The following ARIH2 variants were observed in gnomAD, a reference collection of about 807,000 sequenced individuals.
ARIH2 encodes E3 ubiquitin-protein ligase ARIH2.
In ARIH2, 12 loss-of-function variants were observed where a neutral mutation model predicts 79.8. The ratio of observed to expected loss-of-function variants is 0.15; its 90% CI spans 0.10 to 0.24. The LOEUF is 0.24. Among genes scored for constraint, ARIH2 ranks in the 10% least tolerant of loss-of-function variants. The probability of loss-of-function intolerance (pLI) is 1.00; values close to 1 mark genes in which losing one functional copy is unlikely to be tolerated. For synonymous variants in ARIH2, 224 were observed against 213.9 expected (o/e 1.05, Z -0.41); for missense variants, 301 against 618.3 (o/e 0.49, Z 5.44).
intron 3 of ARIH2, among the ~76,000 whole-genome samples, chr3:48,961,104 T>C (rs1198318024): frequency 6.6e-6 from 1 of 152,204 alleles, no homozygotes; most frequent in East Asian, 1.9e-4. Context: ...GATTGGCTGC[T>C]GGGAATTCAG....
chr3:48,921,020 G>A (rs1576046528), intron 1 of ARIH2, among the ~76,000 whole-genome samples: 1 of 72,742 alleles, frequency 1.4e-5, no homozygotes, highest in East Asian at 3.3e-3. Flanking sequence ...GCAGTGGCGC[G>A]ATCTCGGCTC....
chr3:48,969,771 T>G (rs1343109682), intron 7 of ARIH2, among the ~76,000 whole-genome samples: 1 of 152,110 alleles, frequency 6.6e-6, no homozygotes, highest in Non-Finnish European at 1.5e-5. Flanking sequence ...CTTTTTTGCC[T>G]AAGCTTTTCA....
At chr3:48,973,430 A>G (rs1241660315) in intron 8 of ARIH2, among the ~76,000 whole-genome samples, 1 of 152,132 alleles carries the variant, frequency 6.6e-6, no homozygotes, top group Non-Finnish European at 1.5e-5. Context: ...ACAAAAAATT[A>G]GCCGGGCATG....
intron 5 of ARIH2, among the ~76,000 whole-genome samples, 172 bp downstream of exon 5, chr3:48,965,154 A>T (rs1458067573): frequency 6.6e-6 from 1 of 151,750 alleles, no homozygotes; most frequent in Non-Finnish European, 1.5e-5. Flanking sequence ...GGAGATCGAG[A>T]CCATCCTGGC....
At chr3:48,940,808 A>AATATATAT (rs1553702240) in intron 3 of ARIH2, among the ~76,000 whole-genome samples, 48 of 98,064 alleles carry the variant, frequency 4.9e-4, no homozygotes, top group Middle Eastern at 6.4e-3. Context: ...AAAAAAAAAA[A>AATATATAT]ATATATATAT....
At chr3:48,959,939 T>G (rs978076137) in intron 3 of ARIH2, among the ~76,000 whole-genome samples, 2 of 152,224 alleles carry the variant, frequency 1.3e-5, no homozygotes, top group African/African-American at 2.4e-5. Flanking sequence ...TCATGTGGTG[T>G]TCACTGTGTG....
At chr3:48,972,115 G>T (rs761257517) in intron 8 of ARIH2, among the ~76,000 whole-genome samples, 2 of 152,160 alleles carry the variant, frequency 1.3e-5, no homozygotes, top group Admixed American at 6.5e-5. Context: ...CCTGCCTTAG[G>T]TCTGAGCTAA....
chr3:48,929,288 A>G (rs2086056479), intron 3 of ARIH2, among the ~76,000 whole-genome samples: 1 of 151,654 alleles, frequency 6.6e-6, no homozygotes, highest in African/African-American at 2.4e-5. Flanking sequence ...GCCCTGCTAG[A>G]GACAGCTGAG....
intron 15 of ARIH2, 58 bp downstream of exon 15, chr3:48,983,037 T>C: frequency 6.4e-7 from 1 of 1,558,104 alleles, no homozygotes; most frequent in Middle Eastern, 1.7e-4. Flanking sequence ...GGCATGGTAA[T>C]AGGTGACAGC....
chr3:48,965,318 C>T (rs1389240458), intron 5 of ARIH2, among the ~76,000 whole-genome samples: 1 of 152,102 alleles, frequency 6.6e-6, no homozygotes, highest in Non-Finnish European at 1.5e-5. Context: ...CAAGATCATG[C>T]CACTGCACTC....
intron 1 of ARIH2, 32 bp downstream of exon 1, chr3:48,919,030 T>C: frequency 7.3e-7 from 1 of 1,368,760 alleles, no homozygotes; most frequent in Non-Finnish European, 9.4e-7. Flanking sequence ...CGGCCTTGTT[T>C]ACCTTGGCTG....
intron 3 of ARIH2, among the ~76,000 whole-genome samples, chr3:48,939,615 G>A (rs1262711899): frequency 6.0e-5 from 9 of 151,220 alleles, no homozygotes; most frequent in Non-Finnish European, 1.0e-4. Context: ...AAAATTAGCC[G>A]GGTGTGGTGG....
chr3:48,939,656 G>A (rs1576240283), intron 3 of ARIH2, among the ~76,000 whole-genome samples: 1 of 150,546 alleles, frequency 6.6e-6, no homozygotes, highest in Middle Eastern at 3.5e-3. Context: ...TACTCGGGAG[G>A]CTGAGGCAGG....
chr3:48,975,140 AT>A (rs961892343), intron 11 of ARIH2, 161 bp downstream of exon 11: 1 of 1,264,734 alleles, frequency 7.9e-7, no homozygotes, highest in African/African-American at 1.5e-5. Flanking sequence ...TTTTATTTTT[AT>A]TTTCTGTTTT....
At chr3:48,960,136 C>G (rs1376357920) in intron 3 of ARIH2, among the ~76,000 whole-genome samples, 1 of 152,170 alleles carries the variant, frequency 6.6e-6, no homozygotes, top group African/African-American at 2.4e-5. Flanking sequence ...GTGTATTGCT[C>G]TCTCTGGGAA....
chr3:48,955,080 C>T (rs2090425611), intron 3 of ARIH2, among the ~76,000 whole-genome samples: 1 of 152,170 alleles, frequency 6.6e-6, no homozygotes, highest in South Asian at 2.1e-4. Context: ...TGCCTGTAAT[C>T]CCAGCTACTT....
intron 3 of ARIH2, among the ~76,000 whole-genome samples, chr3:48,941,032 C>T (rs1286770255): frequency 2.0e-5 from 3 of 151,044 alleles, no homozygotes; most frequent in Non-Finnish European, 3.0e-5. Context: ...ATTAGCCGGG[C>T]GTGGTAGCAG....
chr3:48,978,478 TA>T lies in ARIH2; in HGVS notation c.962-1003del, dbSNP rs1399927185. Among the ~76,000 whole-genome samples the T allele has an allele frequency of 7.6e-3, 548 of 71,820 alleles. 20 individuals are homozygous for T. The highest frequency in any genetic ancestry group is 0.031 in the East Asian group (36 of 1,168). The allele number at this position is 71,820 out of a possible 152,430, so 47.1% of individuals were successfully genotyped here. On this transcript the variant is annotated intron_variant, in intron 11 of 15. Transcript: ENST00000356401. Reference sequence around the variant, plus strand: ...GTGTGTGTGTGTGTATATATATATATATATATTTTTTTTTTTTTTGGTAGAG... The same window carrying T: ...GTGTGTGTGTGTGTATATATATATATTATATTTTTTTTTTTTTTGGTAGAG...
At chr3:48,965,966 A>G (rs1020290681) in intron 5 of ARIH2, among the ~76,000 whole-genome samples, 8 of 151,376 alleles carry the variant, frequency 5.3e-5, no homozygotes, top group Admixed American at 5.3e-4. Context: ...ATCAGAAGAA[A>G]AAAAAAATCT....
Sources: allele counts gnomAD v4.1 joint callset (sites outside exome capture counted in the v4.1 genomes callset), GRCh38; gene constraint gnomAD v4.1.1; transcripts MANE v1.5; gene names NCBI Gene and HGNC (gene_info 2026-07-23, HGNC 2026-07-21).